The following LPXN variants were observed in gnomAD, a reference collection of about 807,000 sequenced individuals.
The protein encoded by LPXN is leupaxin.
In LPXN, 28 loss-of-function variants were observed where a neutral mutation model predicts 45.6. The observed-to-expected ratio is 0.61, with a 90% CI of 0.45 to 0.84. LPXN has a LOEUF of 0.84. Ranked by LOEUF, LPXN falls within the 40% of genes least tolerant of loss-of-function variation. The pLI, the probability that LPXN is intolerant of heterozygous loss-of-function variation, is 0.00. For missense variants in LPXN, 459 were observed against 475.0 expected, an observed-to-expected ratio of 0.97 and a Z score of 0.31; for synonymous variants, 166 against 169.9, an observed-to-expected ratio of 0.98 and a Z score of 0.18.
intron 7 of LPXN, among the ~76,000 whole-genome samples, chr11:58,529,554 G>A (rs1479368857): frequency 1.3e-5 from 2 of 149,408 alleles, no homozygotes; most frequent in Admixed American, 6.7e-5. Context: ...AGCTTGCAGT[G>A]AGCCGAGATC....
chr11:58,561,503 C>G (rs962903688), intron 3 of LPXN, among the ~76,000 whole-genome samples: 3 of 152,192 alleles, frequency 2.0e-5, no homozygotes, highest in Non-Finnish European at 4.4e-5. Flanking sequence ...GTAATTGATT[C>G]AATCCATTGT....
intron 2 of LPXN, among the ~76,000 whole-genome samples, chr11:58,565,533 CA>C (rs35101887): frequency 0.24 from 30,683 of 125,760 alleles, 3,098 homozygotes; most frequent in Middle Eastern, 0.4. Context: ...GACTCGGTCT[CA>C]AAAAAAAAAA....
intron 7 of LPXN, among the ~76,000 whole-genome samples, chr11:58,540,177 A>T (rs1013041164): frequency 5.9e-5 from 9 of 152,176 alleles, no homozygotes; most frequent in African/African-American, 2.2e-4. Flanking sequence ...AAAGCAAAAA[A>T]CAGTATCATG....
At chr11:58,530,172 A>G (rs1446409962) in intron 7 of LPXN, among the ~76,000 whole-genome samples, 1 of 152,068 alleles carries the variant, frequency 6.6e-6, no homozygotes, top group African/African-American at 2.4e-5. Flanking sequence ...CATAACCTAG[A>G]TGCACCTGGA....
upstream of LPXN, among the ~76,000 whole-genome samples, chr11:58,577,094 C>G (rs1201080775): frequency 6.6e-6 from 1 of 151,822 alleles, no homozygotes; most frequent in Non-Finnish European, 1.5e-5. Context: ...ATCCAGCCCA[C>G]AGTGGCTTTT....
chr11:58,554,798 A>G (rs752196481), intron 4 of LPXN, 43 bp downstream of exon 4: 1 of 1,512,770 alleles, frequency 6.6e-7, no homozygotes, highest in Non-Finnish European at 9.1e-7. Flanking sequence ...TATCATCTGG[A>G]CTGCACTCAC....
chr11:58,553,796 TA>T (rs1434567795), intron 4 of LPXN: 1 of 152,228 alleles, frequency 6.6e-6, no homozygotes, highest in Non-Finnish European at 1.5e-5. Context: ...TTTCCTTTAA[TA>T]AATCTTTAAG....
At chr11:58,541,285 A>G (rs1169228738) in intron 7 of LPXN, among the ~76,000 whole-genome samples, 1 of 152,174 alleles carries the variant, frequency 6.6e-6, no homozygotes, top group Non-Finnish European at 1.5e-5. Context: ...TTCACAACCT[A>G]CTCATGTGAC....
intron 7 of LPXN, among the ~76,000 whole-genome samples, chr11:58,539,918 A>G (rs1205195252): frequency 6.6e-6 from 1 of 152,188 alleles, no homozygotes; most frequent in East Asian, 1.9e-4. Context: ...GGTAATTGTC[A>G]TTAATGGGGA....
At chr11:58,571,240 T>A (rs758960418) in intron 1 of LPXN, among the ~76,000 whole-genome samples, 14 of 151,958 alleles carry the variant, frequency 9.2e-5, no homozygotes, top group Non-Finnish European at 1.8e-4. Context: ...CTTGGGAGGC[T>A]GAGGTGGGAG....
intron 7 of LPXN, among the ~76,000 whole-genome samples, chr11:58,536,473 T>C (rs2120221269): frequency 6.6e-6 from 1 of 152,350 alleles, no homozygotes; most frequent in Non-Finnish European, 1.5e-5. Context: ...AAACTGAAAC[T>C]GGACCCCTTC....
At chr11:58,545,301 T>C (rs1853845254) in intron 7 of LPXN, among the ~76,000 whole-genome samples, 1 of 152,154 alleles carries the variant, frequency 6.6e-6, no homozygotes, top group Non-Finnish European at 1.5e-5. Context: ...ATTGGGTATT[T>C]TTTTGTGTGT....
chr11:58,559,933 A>G (rs894025365), intron 3 of LPXN, among the ~76,000 whole-genome samples: 15 of 152,176 alleles, frequency 9.9e-5, no homozygotes, highest in African/African-American at 3.1e-4. Flanking sequence ...GCCCATGTAC[A>G]TAAGTATGAA....
intron 1 of LPXN, among the ~76,000 whole-genome samples, chr11:58,575,419 G>A (rs986986376): frequency 1.4e-4 from 21 of 151,866 alleles, no homozygotes; most frequent in African/African-American, 5.1e-4. Flanking sequence ...GTCTCGCTAT[G>A]TGGCCACCCT....
rs558311239 is a variant in LPXN, at chr11:58,530,261, C to T, written c.743-2070G>A. ...AGCCAAGTGGCCTGGCTCGGTAGGT[C>T]CCACCCCCATGGAGCCCAGCAAGCT... On this transcript the variant is annotated intron_variant, in intron 7 of 8. Transcript: ENST00000395074. Among the ~76,000 whole-genome samples the T allele has an allele frequency of 6.6e-4, 101 of 152,268 alleles. 2 individuals carry two copies. In the South Asian group the frequency reaches 0.02, roughly 30 times the overall value.
intron 7 of LPXN, among the ~76,000 whole-genome samples, chr11:58,529,852 G>A (rs1853334502): frequency 6.6e-6 from 1 of 152,140 alleles, no homozygotes. Context: ...ATCTCATTGA[G>A]ACTGATCGGA....
At chr11:58,537,879 G>A (rs60291571) in intron 7 of LPXN, among the ~76,000 whole-genome samples, 3 of 148,822 alleles carry the variant, frequency 2.0e-5, no homozygotes, top group East Asian at 2.1e-4. Context: ...CCATTAACTC[G>A]TCATTTAGCA....
chr11:58,538,140 T>C, intron 7 of LPXN, among the ~76,000 whole-genome samples: 1 of 152,124 alleles, frequency 6.6e-6, no homozygotes, highest in Admixed American at 6.5e-5. Context: ...CCATGGTGTA[T>C]ATGTGCCACA....
chr11:58,538,870 T>A (rs539179285), intron 7 of LPXN, among the ~76,000 whole-genome samples: 13 of 152,250 alleles, frequency 8.5e-5, no homozygotes, highest in Non-Finnish European at 1.5e-4. Flanking sequence ...ATAATTATAT[T>A]AATGCCTTTG....
Sources: gnomAD v4.1 joint callset for allele counts (sites outside exome capture counted in the v4.1 genomes callset) on GRCh38, gnomAD v4.1.1 for gene constraint, MANE v1.5 for transcripts, NCBI Gene and HGNC (gene_info 2026-07-23, HGNC 2026-07-21) for gene names.